Variants in ABHD17C observed in about 807,000 individuals in gnomAD.
ABHD17C encodes abhydrolase domain containing 17C, depalmitoylase.
Under a neutral mutation model 27.9 loss-of-function variants are expected in ABHD17C, and 11 were observed. The ratio of observed to expected loss-of-function variants is 0.39; its 90% confidence interval spans 0.25 to 0.65. The LOEUF is 0.65. Ranked by LOEUF, ABHD17C falls within the 30% of genes least tolerant of loss-of-function variation. The pLI is 0.45. For synonymous variants in ABHD17C, 233 were observed against 209.1 expected (o/e 1.11, Z -0.98); for missense variants, 280 against 470.2 (o/e 0.60, Z 3.74).
Position 80,727,889 on chromosome 15 carries a change from C to T in ABHD17C, c.591-21624C>T, listed in dbSNP as rs1895003030. Reference sequence around the variant, plus strand: ...CTCTGCACTCCAGACTTCACTTTGCCACTCAAGACACAGCATTGTTGCTGC... The same window carrying T: ...CTCTGCACTCCAGACTTCACTTTGCTACTCAAGACACAGCATTGTTGCTGC... On this transcript the variant is annotated intron_variant, in intron 1 of 2. Transcript: ENST00000258884. 2.0e-5 allele frequency among the ~76,000 whole-genome samples: 3 copies of T among 152,306 alleles called. No individual in the cohort carries two copies. The East Asian group carries it at 5.8e-4, about 29-fold the overall frequency.
chr15:80,710,323 G>GCATTA (rs1441630764), intron 1 of ABHD17C, among the ~76,000 whole-genome samples: 2 of 152,070 alleles, frequency 1.3e-5, no homozygotes, highest in Non-Finnish European at 2.9e-5. Flanking sequence ...AGGGGTGAGG[G>GCATTA]CATTAGTCAC....
At chr15:80,741,221 G>A (rs938781578) in intron 1 of ABHD17C, among the ~76,000 whole-genome samples, 1 of 151,738 alleles carries the variant, frequency 6.6e-6, no homozygotes, top group African/African-American at 2.4e-5. Flanking sequence ...TCCTCTAAAG[G>A]TTTCATGTCC....
chr15:80,704,065 A>C (rs1384102034), intron 1 of ABHD17C, among the ~76,000 whole-genome samples: 2 of 152,216 alleles, frequency 1.3e-5, no homozygotes, highest in African/African-American at 4.8e-5. Context: ...TGGATAGCTG[A>C]AACTGCAGAA....
intron 1 of ABHD17C, among the ~76,000 whole-genome samples, chr15:80,711,514 C>T (rs923067658): frequency 1.3e-5 from 2 of 152,330 alleles, no homozygotes; most frequent in South Asian, 4.1e-4. Context: ...CTTGTCATTA[C>T]TGCATGCTGC....
intron 1 of ABHD17C, among the ~76,000 whole-genome samples, chr15:80,716,214 G>T (rs998380996): frequency 6.6e-6 from 1 of 152,154 alleles, no homozygotes; most frequent in Non-Finnish European, 1.5e-5. Flanking sequence ...TATTATTGCA[G>T]GTGGCTTCCT....
chr15:80,730,626 A>T (rs1054285850), intron 1 of ABHD17C, among the ~76,000 whole-genome samples: 12 of 152,218 alleles, frequency 7.9e-5, no homozygotes, highest in Non-Finnish European at 1.5e-4. Flanking sequence ...GCATGACAGG[A>T]TAAATGTAAG....
chr15:80,705,681 C>A (rs1444692624), intron 1 of ABHD17C, among the ~76,000 whole-genome samples: 4 of 152,058 alleles, frequency 2.6e-5, no homozygotes, highest in African/African-American at 7.2e-5. Context: ...TGTATAGATA[C>A]AAATACCCAG....
intron 1 of ABHD17C, among the ~76,000 whole-genome samples, chr15:80,720,567 A>T (rs7183484): frequency 1.3e-5 from 2 of 151,836 alleles, no homozygotes; most frequent in Non-Finnish European, 2.9e-5. Context: ...GGATTTTTTT[A>T]TATATATTCT....
In ABHD17C at chr15:80,695,923, C is replaced by T. The variant is rs751840068; in HGVS notation, c.494C>T (p.Ser165Phe). The T allele has an allele frequency of 6.3e-7, 1 of 1,597,324 alleles. No homozygotes were observed. The highest frequency in any genetic ancestry group is 2.2e-5 in the East Asian group (1 of 44,794). ...LGSRINCNIF[S>F]YDYSGYGVSS... is the part of the protein sequence containing the mutation. ...TCCCGCATCAACTGCAACATCTTCT[C>T]CTACGACTACTCGGGATACGGCGTC... Residue 165 changes from serine (S) to phenylalanine (F), a missense_variant, in exon 1 of 3, where the codon TCC (serine) becomes TTC (phenylalanine). Physicochemically the swap from Ser to Phe is radical, Grantham distance 155. Coordinates refer to ENST00000258884, the MANE Select transcript of ABHD17C (RefSeq NM_021214.2). The surrounding 1 kb of genome is among the most constrained non-coding windows in gnomAD (Gnocchi z 4.3).
chr15:80,698,255 G>A (rs1214900959), intron 1 of ABHD17C, among the ~76,000 whole-genome samples: 1 of 151,826 alleles, frequency 6.6e-6, no homozygotes, highest in African/African-American at 2.4e-5. Context: ...TAGTAGAGAC[G>A]GGGTTTCACC....
At chr15:80,716,909 C>T (rs550771780) in intron 1 of ABHD17C, among the ~76,000 whole-genome samples, 44 of 152,274 alleles carry the variant, frequency 2.9e-4, no homozygotes, top group Middle Eastern at 3.4e-3. Context: ...GAGACAGGCC[C>T]GTAGTGCAGG....
At chr15:80,702,784 G>C (rs1416326970) in intron 1 of ABHD17C, 1 of 152,138 alleles carries the variant, frequency 6.6e-6, no homozygotes, top group African/African-American at 2.4e-5. Flanking sequence ...GGAATCCAGA[G>C]TCTCAACATA....
chr15:80,727,535 A>G (rs1894998396), intron 1 of ABHD17C, among the ~76,000 whole-genome samples: 1 of 152,180 alleles, frequency 6.6e-6, no homozygotes, highest in South Asian at 2.1e-4. Context: ...TTAGAATATA[A>G]TCAGTCTCCA....
At position 80,753,236 on chromosome 15, in the gene ABHD17C, A is replaced by C. The variant is rs115998952; in HGVS notation, c.771-915A>C. Among the ~76,000 whole-genome samples the C allele has an allele frequency of 2.7e-3, 407 of 152,138 alleles. 1 individual carries two copies. Among genetic ancestry groups the C allele is most frequent in the African/African-American group, 8.7e-3 (360 of 41,578 alleles). On this transcript the variant is annotated intron_variant, in intron 2 of 2. Transcript: ENST00000258884. ...AAAAGTAATATAAAGATAATATATAAAAAATAGTAGTTGCTAGTTTGCTAG... is the reference window on the plus strand; with the variant it reads ...AAAAGTAATATAAAGATAATATATACAAAATAGTAGTTGCTAGTTTGCTAG...
chr15:80,751,434 T>G (rs1442627435), intron 2 of ABHD17C, among the ~76,000 whole-genome samples: 1 of 152,148 alleles, frequency 6.6e-6, no homozygotes, highest in East Asian at 1.9e-4. Context: ...GTTAAGTAAT[T>G]TATTGAATTA....
At chr15:80,724,192 A>T (rs1233052818) in intron 1 of ABHD17C, among the ~76,000 whole-genome samples, 2 of 152,076 alleles carry the variant, frequency 1.3e-5, no homozygotes, top group African/African-American at 4.8e-5. Flanking sequence ...ATTAAAAAAA[A>T]TTAGTCAGGT....
chr15:80,748,662 G>A (rs1329290273), intron 1 of ABHD17C, among the ~76,000 whole-genome samples: 3 of 148,714 alleles, frequency 2.0e-5, no homozygotes, highest in African/African-American at 2.5e-5. Flanking sequence ...GTATTTTCCC[G>A]GGTTCCTTCT....
chr15:80,721,833 G>A (rs1894901544), intron 1 of ABHD17C, among the ~76,000 whole-genome samples: 1 of 151,940 alleles, frequency 6.6e-6, no homozygotes, highest in Non-Finnish European at 1.5e-5. Context: ...TCCTTGTTGT[G>A]GTAGACTTTG....
intron 1 of ABHD17C, among the ~76,000 whole-genome samples, chr15:80,720,920 C>T (rs1018595938): frequency 7.4e-5 from 9 of 121,678 alleles, no homozygotes; most frequent in Non-Finnish European, 1.6e-4. Context: ...GACTCTGTCT[C>T]AAAAAAAAAA....
Sources: gnomAD v4.1 joint callset for allele counts (sites outside exome capture counted in the v4.1 genomes callset) on GRCh38, gnomAD v4.1.1 for gene constraint, Gnocchi (gnomAD v3.1) non-coding constraint, MANE v1.5 for transcripts, NCBI Gene and HGNC (gene_info 2026-07-23, HGNC 2026-07-21) for gene names.